The following NTM variants were observed in gnomAD, a reference collection of about 807,000 sequenced individuals.
NTM encodes the protein IgLON family member 2.
NTM carries 13 observed loss-of-function variants against 42.1 expected under a neutral mutation model. The ratio of observed to expected loss-of-function variants is 0.31; its 90% CI spans 0.20 to 0.49. The LOEUF (loss-of-function observed/expected upper bound fraction) is 0.49. Among genes scored for constraint, NTM ranks in the 20% least tolerant of loss-of-function variants. The pLI, the probability that NTM is intolerant of heterozygous loss-of-function variation, is 0.99. For missense variants in NTM, 373 were observed against 452.8 expected (o/e 0.82, Z 1.60); for synonymous variants, 187 against 179.2 (o/e 1.04, Z -0.35).
intron 4 of NTM, among the ~76,000 whole-genome samples, chr11:132,289,177 T>G (rs184110457): frequency 2.6e-5 from 4 of 152,328 alleles, no homozygotes; most frequent in Non-Finnish European, 5.9e-5. Context: ...GGATGGTGTT[T>G]GTTAATTGTC....
chr11:131,405,212 C>T (rs1219587335), intron 1 of NTM, among the ~76,000 whole-genome samples: 1 of 152,168 alleles, frequency 6.6e-6, no homozygotes, highest in Non-Finnish European at 1.5e-5. Context: ...TTCTTGGTGA[C>T]ATTTAAGTTA....
chr11:131,604,013 G>T (rs1243440822), intron 1 of NTM, among the ~76,000 whole-genome samples: 2 of 152,034 alleles, frequency 1.3e-5, no homozygotes, highest in Non-Finnish European at 2.9e-5. Context: ...ACAAGTTTTA[G>T]TGTAGACATA....
intron 2 of NTM, among the ~76,000 whole-genome samples, chr11:131,918,352 C>A (rs377665414): frequency 6.6e-6 from 1 of 152,166 alleles, no homozygotes; most frequent in Non-Finnish European, 1.5e-5. Flanking sequence ...TGGTTTAGTC[C>A]GTACCACACC....
chr11:131,827,159 GA>G (rs2136485249), intron 1 of NTM, among the ~76,000 whole-genome samples: 1 of 152,122 alleles, frequency 6.6e-6, no homozygotes, highest in African/African-American at 2.4e-5. Flanking sequence ...TTGGAAAGGG[GA>G]AAATAAATAG....
intron 1 of NTM, among the ~76,000 whole-genome samples, chr11:131,563,460 T>A (rs1410183668): frequency 1.3e-5 from 2 of 152,148 alleles, no homozygotes; most frequent in East Asian, 1.9e-4. Context: ...TCTACAAGGC[T>A]CGTCCCTGCT....
intron 1 of NTM, among the ~76,000 whole-genome samples, chr11:131,496,779 T>C (rs748610463): frequency 7.8e-4 from 118 of 152,156 alleles, no homozygotes; most frequent in Non-Finnish European, 8.8e-4. Flanking sequence ...AGACAGCACC[T>C]CCTCCCCCTA....
intron 8 of NTM, chr11:132,332,643 G>C (rs549256638): frequency 6.6e-6 from 1 of 152,312 alleles, no homozygotes. Flanking sequence ...CCCAGGGAGA[G>C]CGCCTGGCAT....
At chr11:132,130,112 T>G (rs768892356) in intron 2 of NTM, among the ~76,000 whole-genome samples, 24 of 152,168 alleles carry the variant, frequency 1.6e-4, no homozygotes, top group Admixed American at 3.9e-4. Context: ...GTTTTCACAG[T>G]AAATATTCTC....
intron 1 of NTM, among the ~76,000 whole-genome samples, chr11:131,709,384 G>A (rs1288872534): frequency 6.6e-6 from 1 of 152,208 alleles, no homozygotes; most frequent in African/African-American, 2.4e-5. Flanking sequence ...AGGCAGACTT[G>A]TTGGGAGGCT....
chr11:131,849,966 T>TATAATA (rs10605011), intron 1 of NTM, among the ~76,000 whole-genome samples: 3,279 of 146,736 alleles, frequency 0.022, 54 homozygotes, highest in African/African-American at 0.053. Flanking sequence ...AAACTTAAAG[T>TATAATA]ATAATAATAA....
intron 1 of NTM, among the ~76,000 whole-genome samples, chr11:131,527,256 C>T (rs1394110022): frequency 1.3e-5 from 2 of 152,208 alleles, no homozygotes; most frequent in African/African-American, 4.8e-5. Context: ...ACCTGTTTGG[C>T]TGATGCCCTC....
At chr11:132,230,944 C>G (rs528930183) in intron 4 of NTM, among the ~76,000 whole-genome samples, 1 of 152,262 alleles carries the variant, frequency 6.6e-6, no homozygotes, top group South Asian at 2.1e-4. Context: ...GCCAGGGGGT[C>G]GAGGCTGCAG....
Position 131,761,652 on chromosome 11 carries a change from C to CA in NTM, c.83-149905dup, listed in dbSNP as rs1376918675. 1.4e-4 allele frequency among the ~76,000 whole-genome samples: 21 copies of CA among 151,604 alleles called. 1 individual carries two copies. Among genetic ancestry groups the CA allele is most frequent in the Admixed American group, 1.2e-3 (19 of 15,224 alleles). Reference sequence around the variant, plus strand: ...AGAAACCCCATCTCTACTAAAAACACAAAAAAATTAGCCAGGCGTGGTGGC... The same window carrying CA: ...AGAAACCCCATCTCTACTAAAAACACAAAAAAAATTAGCCAGGCGTGGTGGC... On this transcript the variant is annotated intron_variant, in intron 1 of 8. Transcript: ENST00000683400.
At chr11:131,985,504 A>G (rs527274728) in intron 2 of NTM, among the ~76,000 whole-genome samples, 3 of 152,296 alleles carry the variant, frequency 2.0e-5, no homozygotes, top group East Asian at 3.9e-4. Flanking sequence ...ACACCGTGCT[A>G]CTGGCAACCA....
chr11:132,304,729 A>T (rs180766130), intron 4 of NTM, among the ~76,000 whole-genome samples: 1 of 152,320 alleles, frequency 6.6e-6, no homozygotes, highest in Admixed American at 6.5e-5. Context: ...TGAAAGCTTA[A>T]ATTTATTAAG....
intron 1 of NTM, among the ~76,000 whole-genome samples, chr11:131,812,180 C>T (rs1050968948): frequency 7.3e-6 from 1 of 136,780 alleles, no homozygotes; most frequent in African/African-American, 2.9e-5. Context: ...GATAATTAGT[C>T]AGCCTCTCTC....
At chr11:132,013,864 A>T (rs2072799650) in intron 2 of NTM, among the ~76,000 whole-genome samples, 1 of 152,088 alleles carries the variant, frequency 6.6e-6, no homozygotes, top group Non-Finnish European at 1.5e-5. Flanking sequence ...TTGGGTATTT[A>T]TCATTTCTGT....
At position 131,370,933 on chromosome 11, in the gene NTM, T is replaced by C. The variant is rs758571092; in HGVS notation, c.82+45T>C. 8.2e-5 allele frequency: 132 copies of C among 1,607,864 alleles called. 1 individual carries two copies. The highest frequency in any genetic ancestry group is 9.9e-5 in the Non-Finnish European group (117 of 1,178,340). ...TTGCCTTCGGTAGACCCAGGAATTGTACAGTGTGCTTTATAAGATTTGCAG... is the reference window on the plus strand; with the variant it reads ...TTGCCTTCGGTAGACCCAGGAATTGCACAGTGTGCTTTATAAGATTTGCAG... On this transcript the variant is annotated intron_variant, in intron 1 of 8. Coordinates refer to ENST00000683400, the MANE Select transcript of NTM (RefSeq NM_001352005.2).
chr11:131,740,973 C>T (rs1305939899), intron 1 of NTM, among the ~76,000 whole-genome samples: 5 of 152,000 alleles, frequency 3.3e-5, no homozygotes, highest in South Asian at 2.1e-4. Context: ...CAGACTAGCC[C>T]GACCAACATG....
Sources: allele counts gnomAD v4.1 joint callset (sites outside exome capture counted in the v4.1 genomes callset), GRCh38; gene constraint gnomAD v4.1.1; transcripts MANE v1.5; gene names NCBI Gene and HGNC (gene_info 2026-07-23, HGNC 2026-07-21).